Variants in RBM47 observed in about 807,000 individuals in gnomAD.
RBM47 encodes RNA binding motif protein 47.
A neutral mutation model predicts 47.1 loss-of-function variants in RBM47; 21 were observed. That is an observed-to-expected ratio of 0.45 (90% CI 0.32 to 0.64). The LOEUF (loss-of-function observed/expected upper bound fraction) is 0.64, where lower values mean the gene tolerates loss of function less well. Among genes scored for constraint, RBM47 ranks in the 30% least tolerant of loss-of-function variants. RBM47 has a pLI of 0.05. For missense variants in RBM47, 708 were observed against 870.9 expected, an observed-to-expected ratio of 0.81 and a Z score of 2.35; for synonymous variants, 375 against 361.7, an observed-to-expected ratio of 1.04 and a Z score of -0.42.
intron 1 of RBM47, among the ~76,000 whole-genome samples, chr4:40,592,519 G>T (rs1734253079): frequency 6.6e-5 from 10 of 151,352 alleles, no homozygotes; most frequent in Admixed American, 6.6e-4. Context: ...CCGCCTCCTG[G>T]GTTCAAGCAA....
intron 1 of RBM47, among the ~76,000 whole-genome samples, chr4:40,555,798 A>G (rs1319891372): frequency 2.6e-5 from 4 of 152,190 alleles, no homozygotes; most frequent in Non-Finnish European, 4.4e-5. Context: ...CCAGAAATAG[A>G]ATTCGGAAAG....
chr4:40,499,005 A>G (rs1723011896), intron 2 of RBM47, among the ~76,000 whole-genome samples: 1 of 152,158 alleles, frequency 6.6e-6, no homozygotes, highest in Non-Finnish European at 1.5e-5. Context: ...AGATTACACC[A>G]TTGCACTCCA....
chr4:40,430,584 A>G (rs1366409149), intron 6 of RBM47, among the ~76,000 whole-genome samples: 1 of 152,218 alleles, frequency 6.6e-6, no homozygotes, highest in East Asian at 1.9e-4. Context: ...TGAAAGATAA[A>G]TAAGCTTCAA....
At chr4:40,554,429 A>G (rs1315232229) in intron 1 of RBM47, among the ~76,000 whole-genome samples, 2 of 151,328 alleles carry the variant, frequency 1.3e-5, no homozygotes, top group Non-Finnish European at 2.9e-5. Context: ...AAAAAAGACA[A>G]AAGCTGGTGG....
intron 2 of RBM47, among the ~76,000 whole-genome samples, chr4:40,484,503 C>T (rs534056486): frequency 6.6e-6 from 1 of 151,736 alleles, no homozygotes; most frequent in Admixed American, 6.6e-5. Context: ...GTAGGATGAA[C>T]CATTTTCCTT....
chr4:40,505,874 G>A (rs558399886), intron 2 of RBM47, among the ~76,000 whole-genome samples: 49 of 149,210 alleles, frequency 3.3e-4, no homozygotes, highest in South Asian at 2.4e-3. Context: ...GTGACAGAGC[G>A]AGAGTCTGTC....
chr4:40,547,206 G>A (rs115991410), intron 1 of RBM47, among the ~76,000 whole-genome samples: 1,691 of 152,280 alleles, frequency 0.011, 30 homozygotes, highest in African/African-American at 0.038. Flanking sequence ...GATATACAGT[G>A]CCCCTCCCTG....
At chr4:40,617,974 G>C (rs951662891) in intron 1 of RBM47, among the ~76,000 whole-genome samples, 2 of 152,080 alleles carry the variant, frequency 1.3e-5, no homozygotes, top group South Asian at 2.1e-4. Flanking sequence ...AGGCATGGTG[G>C]TTCACACCAT....
At chr4:40,593,665 G>T (rs1376092181) in intron 1 of RBM47, among the ~76,000 whole-genome samples, 5 of 151,996 alleles carry the variant, frequency 3.3e-5, no homozygotes, top group Non-Finnish European at 7.4e-5. Flanking sequence ...TGGATCACGA[G>T]GTCAGGAGAT....
intron 3 of RBM47, among the ~76,000 whole-genome samples, chr4:40,466,372 T>C (rs1718032703): frequency 6.6e-6 from 1 of 151,184 alleles, no homozygotes; most frequent in South Asian, 2.1e-4. Context: ...GTCTCTTAAG[T>C]CACAAAGATG....
chr4:40,471,033 G>A (rs764811083), intron 2 of RBM47, among the ~76,000 whole-genome samples: 13 of 152,052 alleles, frequency 8.5e-5, no homozygotes, highest in Non-Finnish European at 1.8e-4. Context: ...GTGAGCCACC[G>A]CGTCTCGCCA....
rs766804204 is a variant in RBM47, at chr4:40,426,032, T to A, written c.1654A>T (p.Ile552Phe). The A allele has an allele frequency of 3.1e-6, 5 of 1,614,114 alleles. No individual in the cohort carries two copies. The highest frequency in any genetic ancestry group is 4.2e-6 in the Non-Finnish European group (5 of 1,180,062). The change falls in exon 7 of 7, where the codon ATC becomes TTC. Residue 552 changes from isoleucine to phenylalanine, a missense_variant. Physicochemically the swap from Ile to Phe is conservative, Grantham distance 21 (BLOSUM62 0). Transcript: ENST00000295971. ...GCCGCGTTCTTCTGTAGTGTGGCGA[T>A]CGTGGCTGTAGCTGGAGCAGCAAAT... is the stretch of plus-strand genomic sequence containing the variant. ...VPFAAPATAT[I>F]ATLQKNAAAA...
chr4:40,579,265 A>G (rs977310240), intron 1 of RBM47, among the ~76,000 whole-genome samples: 6 of 151,446 alleles, frequency 4.0e-5, no homozygotes, highest in African/African-American at 1.5e-4. Flanking sequence ...TACTAAAAAT[A>G]CAAAAAATTA....
intron 1 of RBM47, among the ~76,000 whole-genome samples, chr4:40,595,761 C>T (rs1175487566): frequency 1.3e-5 from 2 of 151,840 alleles, no homozygotes; most frequent in African/African-American, 4.8e-5. Flanking sequence ...AAAAATTAGC[C>T]AGGCATGGTG....
At chr4:40,534,460 T>C (rs867442923) in intron 2 of RBM47, among the ~76,000 whole-genome samples, 1 of 152,202 alleles carries the variant, frequency 6.6e-6, no homozygotes, top group Non-Finnish European at 1.5e-5. Flanking sequence ...ATACATTTTA[T>C]AATTGCATAT....
At chr4:40,544,818 A>G (rs1357977900) in intron 1 of RBM47, among the ~76,000 whole-genome samples, 1 of 152,132 alleles carries the variant, frequency 6.6e-6, no homozygotes, top group Non-Finnish European at 1.5e-5. Flanking sequence ...GCCTGTAATC[A>G]CAGCACTTTG....
chr4:40,436,425 T>A lies in RBM47; in HGVS notation c.1330+16A>T. The A allele has an allele frequency of 6.2e-7, 1 of 1,609,914 alleles. No homozygotes were observed. The highest frequency in any genetic ancestry group is 8.5e-7 in the Non-Finnish European group (1 of 1,178,134). ...TTATGCTGAATGGGAGCATTCTCAA[T>A]CTGCTTCATACTGACCTGTACCAGG... On this transcript the variant is annotated intron_variant, in intron 5 of 6. Transcript: ENST00000295971.
chr4:40,526,202 C>T (rs1726689368), intron 2 of RBM47, among the ~76,000 whole-genome samples: 1 of 152,158 alleles, frequency 6.6e-6, no homozygotes. Context: ...GACTCTGGAT[C>T]CAAGGACTCG....
At chr4:40,572,598 C>T (rs1268475986) in intron 1 of RBM47, among the ~76,000 whole-genome samples, 1 of 151,510 alleles carries the variant, frequency 6.6e-6, no homozygotes, top group Non-Finnish European at 1.5e-5. Flanking sequence ...AACAAAACAA[C>T]AACTTAATAA....
Sources: allele counts gnomAD v4.1 joint callset (sites outside exome capture counted in the v4.1 genomes callset), GRCh38; gene constraint gnomAD v4.1.1; transcripts MANE v1.5; gene names NCBI Gene and HGNC (gene_info 2026-07-23, HGNC 2026-07-21).